The following FAM168A variants were observed in gnomAD, a reference collection of about 807,000 sequenced individuals.
FAM168A encodes the protein protein FAM168A.
Under a neutral mutation model 28.5 loss-of-function variants are expected in FAM168A, and 3 were observed. The observed-to-expected ratio is 0.11, with a 90% CI of 0.05 to 0.27. FAM168A has a LOEUF of 0.27. FAM168A is among the 10% of genes least tolerant of loss of function. The pLI is 1.00. For missense variants in FAM168A, 222 were observed against 311.5 expected (o/e 0.71, Z 2.16); for synonymous variants, 122 against 124.2 (o/e 0.98, Z 0.12).
At chr11:73,539,435 A>G (rs958903919) in intron 1 of FAM168A, among the ~76,000 whole-genome samples, 1 of 151,890 alleles carries the variant, frequency 6.6e-6, no homozygotes, top group Admixed American at 6.6e-5. Context: ...ATGCCTGGCT[A>G]ATTTTTTGTA....
At chr11:73,468,279 T>A in intron 2 of FAM168A, 126 bp downstream of exon 2, 2 of 757,584 alleles carry the variant, frequency 2.6e-6, no homozygotes, top group Non-Finnish European at 4.3e-6. Context: ...ACCTCAGACA[T>A]ATCTTCTGCA....
At chr11:73,534,636 C>T (rs957288023) in intron 1 of FAM168A, among the ~76,000 whole-genome samples, 6 of 149,570 alleles carry the variant, frequency 4.0e-5, no homozygotes, top group Non-Finnish European at 8.9e-5. Context: ...CTCCTGACCT[C>T]AGGTGATCTG....
intron 1 of FAM168A, among the ~76,000 whole-genome samples, chr11:73,591,891 C>T (rs78725297): frequency 0.03 from 4,518 of 152,102 alleles, 222 homozygotes; most frequent in African/African-American, 0.1. Flanking sequence ...TATAAAATGG[C>T]GCCATTATAT....
At chr11:73,564,198 G>A (rs1433401630) in intron 1 of FAM168A, among the ~76,000 whole-genome samples, 1 of 152,174 alleles carries the variant, frequency 6.6e-6, no homozygotes, top group Non-Finnish European at 1.5e-5. Flanking sequence ...AGAATGTGAT[G>A]CCTTGGTTAC....
At chr11:73,504,167 A>G (rs935597505) in intron 1 of FAM168A, among the ~76,000 whole-genome samples, 12 of 152,244 alleles carry the variant, frequency 7.9e-5, no homozygotes, top group African/African-American at 2.9e-4. Context: ...ATCTAATTAA[A>G]CTAAAGAGCT....
intron 2 of FAM168A, among the ~76,000 whole-genome samples, chr11:73,466,841 T>C (rs1053644845): frequency 1.3e-5 from 2 of 152,144 alleles, no homozygotes; most frequent in South Asian, 4.1e-4. Flanking sequence ...GGAGATTTTT[T>C]AGTCTAGGCA....
intron 1 of FAM168A, among the ~76,000 whole-genome samples, chr11:73,554,117 T>A (rs1351515751): frequency 6.6e-6 from 1 of 152,156 alleles, no homozygotes; most frequent in East Asian, 1.9e-4. Context: ...GGCTCACACC[T>A]GTAATCCCAG....
intron 1 of FAM168A, among the ~76,000 whole-genome samples, chr11:73,508,931 G>T (rs140738545): frequency 6.6e-6 from 1 of 152,296 alleles, no homozygotes; most frequent in East Asian, 1.9e-4. Context: ...AAAACATAAT[G>T]ATGGCTTTAT....
chr11:73,507,745 G>A (rs1456538375), intron 1 of FAM168A, among the ~76,000 whole-genome samples: 1 of 152,146 alleles, frequency 6.6e-6, no homozygotes, highest in Non-Finnish European at 1.5e-5. Flanking sequence ...AATATTACAG[G>A]TTTGAAATGT....
intron 1 of FAM168A, among the ~76,000 whole-genome samples, chr11:73,579,209 A>C (rs1464786562): frequency 6.6e-6 from 1 of 152,110 alleles, no homozygotes; most frequent in Admixed American, 6.5e-5. Context: ...TCAACATATG[A>C]ATTTTGGTGG....
Position 73,597,974 on chromosome 11 carries a change from G to T in FAM168A, c.-70C>A. The T allele has an allele frequency of 6.4e-6, 1 of 155,440 alleles. No homozygotes were observed. Among genetic ancestry groups the T allele is most frequent in the Non-Finnish European group, 1.4e-5 (1 of 70,270 alleles). The allele number at this position is 155,440 out of a possible 1,614,324, so 9.6% of individuals were successfully genotyped here. A position where few individuals can be genotyped will look rare whatever the true frequency, so the allele number is the denominator to read the frequency against. On this transcript the variant is annotated 5_prime_UTR_variant, in exon 1 of 8. Transcript: ENST00000356467. ...CGGCGGCGGCGGCTGAGGCGGCGAT[G>T]CCCTTGTCTTCTCCGGAGGCTACGG...
At chr11:73,530,515 C>G (rs549495529) in intron 1 of FAM168A, among the ~76,000 whole-genome samples, 2 of 152,310 alleles carry the variant, frequency 1.3e-5, no homozygotes, top group East Asian at 3.9e-4. Context: ...TTCTTCACCA[C>G]AGCAACAAGC....
intron 2 of FAM168A, among the ~76,000 whole-genome samples, chr11:73,442,125 C>CTTTTTTT (rs59066860): frequency 7.6e-6 from 1 of 131,000 alleles, no homozygotes; most frequent in African/African-American, 3.0e-5. Flanking sequence ...CTTTCTTCTT[C>CTTTTTTT]TTTTTTTTTT....
chr11:73,447,315 G>A (rs748069877), intron 2 of FAM168A, among the ~76,000 whole-genome samples: 1 of 152,046 alleles, frequency 6.6e-6, no homozygotes, highest in Non-Finnish European at 1.5e-5. Context: ...TTGGGAGGTA[G>A]AGGAAGGAGA....
In FAM168A at chr11:73,518,669, G is replaced by A. The variant is rs555433721; in HGVS notation, c.-18-50177C>T. ...TCCCAGTACTTTGGGAGGCTGAGGC[G>A]GGTGGATCACGAGGTCAGGAGTTCG... On this transcript the variant is annotated intron_variant, in intron 1 of 7. Coordinates refer to ENST00000356467, the MANE Select transcript of FAM168A (RefSeq NM_015159.3). Among the ~76,000 whole-genome samples, 10 of 152,010 alleles carry A rather than the reference G, an allele frequency of 6.6e-5. 1 individual carries two copies. The highest frequency in any genetic ancestry group is 1.5e-4 in the Non-Finnish European group (10 of 67,980).
At chr11:73,510,663 C>A (rs1393590586) in intron 1 of FAM168A, 9 of 319,380 alleles carry the variant, frequency 2.8e-5, no homozygotes, top group Non-Finnish European at 5.1e-5. Context: ...GGGGGTACAT[C>A]CTACCAGGAT....
chr11:73,537,123 G>C (rs896553120), intron 1 of FAM168A, among the ~76,000 whole-genome samples: 1 of 152,166 alleles, frequency 6.6e-6, no homozygotes, highest in Admixed American at 6.5e-5. Flanking sequence ...CAGAGGAACA[G>C]AAAAGAGGGG....
chr11:73,442,287 G>A (rs931825199), intron 2 of FAM168A, among the ~76,000 whole-genome samples: 7 of 152,010 alleles, frequency 4.6e-5, no homozygotes, highest in Non-Finnish European at 7.4e-5. Flanking sequence ...CACCACGCAC[G>A]GCTAATTTTT....
At chr11:73,482,816 G>C (rs765675992) in intron 1 of FAM168A, among the ~76,000 whole-genome samples, 2 of 152,062 alleles carry the variant, frequency 1.3e-5, no homozygotes, top group Non-Finnish European at 2.9e-5. Context: ...TCAGCTCACT[G>C]CAACCTCCAC....
Sources: gnomAD v4.1 joint callset for allele counts (sites outside exome capture counted in the v4.1 genomes callset) on GRCh38, gnomAD v4.1.1 for gene constraint, MANE v1.5 for transcripts, NCBI Gene and HGNC (gene_info 2026-07-23, HGNC 2026-07-21) for gene names.